The following OLFM3 variants were observed in gnomAD, a reference collection of about 807,000 sequenced individuals.
OLFM3 encodes noelin-3.
OLFM3 carries 20 observed loss-of-function variants against 48.6 expected under a neutral mutation model. That is an observed-to-expected ratio of 0.41 (90% CI 0.29 to 0.60). The LOEUF is 0.60. OLFM3 is among the 20% of genes least tolerant of loss of function. OLFM3 has a pLI of 0.28. For missense variants in OLFM3, 437 were observed against 544.3 expected (o/e 0.80, Z 1.96); for synonymous variants, 222 against 198.1 (o/e 1.12, Z -1.01).
chr1:101,979,906 G>A (rs1661059650), intron 1 of OLFM3, among the ~76,000 whole-genome samples: 1 of 152,230 alleles, frequency 6.6e-6, no homozygotes, highest in Non-Finnish European at 1.5e-5. Flanking sequence ...AAGCCACAGG[G>A]GTGGAGCTTC....
chr1:101,876,426 G>C (rs1312958061), intron 1 of OLFM3, among the ~76,000 whole-genome samples: 2 of 151,976 alleles, frequency 1.3e-5, no homozygotes, highest in Non-Finnish European at 2.9e-5. Context: ...ACTCTGTAAA[G>C]TGCTTTTACA....
rs763405464 is a variant in OLFM3, at chr1:101,935,257, C to G, written c.69+61491G>C. On this transcript the variant is annotated intron_variant, in intron 1 of 5. Coordinates refer to ENST00000370103, the MANE Select transcript of OLFM3 (RefSeq NM_058170.4). ...ACTAATGAAGAAAAAAAAAGAAGAT[C>G]GAAATAAATGCAAGGAGAAATTACA... 2.7e-5 allele frequency among the ~76,000 whole-genome samples: 4 copies of G among 149,522 alleles called. No individual in the cohort carries two copies. The South Asian group carries it at 8.4e-4, about 31-fold the overall frequency.
intron 1 of OLFM3, among the ~76,000 whole-genome samples, chr1:101,870,904 A>G (rs537067109): frequency 1.3e-5 from 2 of 152,200 alleles, no homozygotes; most frequent in Admixed American, 6.5e-5. Context: ...TTTTCCTATG[A>G]CACTACACAG....
chr1:101,862,122 C>A (rs1656684161), intron 1 of OLFM3, among the ~76,000 whole-genome samples: 1 of 151,978 alleles, frequency 6.6e-6, no homozygotes, highest in African/African-American at 2.4e-5. Flanking sequence ...CTTGGAAACT[C>A]CAAAGTTAAG....
At chr1:101,896,820 G>C (rs547775662) in intron 1 of OLFM3, among the ~76,000 whole-genome samples, 4 of 151,790 alleles carry the variant, frequency 2.6e-5, no homozygotes, top group African/African-American at 9.7e-5. Context: ...TATCTGAACT[G>C]ATGCATAACT....
chr1:101,867,255 T>C (rs1656892690), intron 1 of OLFM3, among the ~76,000 whole-genome samples: 1 of 152,222 alleles, frequency 6.6e-6, no homozygotes, highest in African/African-American at 2.4e-5. Flanking sequence ...CTGGAGATAA[T>C]CTTTACTAGT....
At chr1:101,989,702 C>CAAATATTACAACAGAAAT (rs898675350) in intron 1 of OLFM3, among the ~76,000 whole-genome samples, 7 of 152,048 alleles carry the variant, frequency 4.6e-5, no homozygotes, top group Admixed American at 4.6e-4. Flanking sequence ...AGAAATATTA[C>CAAATATTACAACAGAAAT]AATAGCTAAT....
chr1:101,885,027 T>C (rs1012775938), intron 1 of OLFM3, among the ~76,000 whole-genome samples: 21 of 151,970 alleles, frequency 1.4e-4, no homozygotes, highest in African/African-American at 5.1e-4. Flanking sequence ...GAAAGTCCAT[T>C]GAAGATGTCA....
At chr1:101,875,063 A>C (rs1161155918) in intron 1 of OLFM3, among the ~76,000 whole-genome samples, 1 of 152,010 alleles carries the variant, frequency 6.6e-6, no homozygotes, top group African/African-American at 2.4e-5. Flanking sequence ...GCTAAAATCC[A>C]TTGAAAGATA....
intron 4 of OLFM3, among the ~76,000 whole-genome samples, chr1:101,817,345 G>A (rs1013919068): frequency 6.6e-6 from 1 of 152,066 alleles, no homozygotes; most frequent in Non-Finnish European, 1.5e-5. Flanking sequence ...GAAAACATTA[G>A]CATTTATAAA....
At chr1:101,989,216 C>T (rs534695744) in intron 1 of OLFM3, among the ~76,000 whole-genome samples, 1 of 152,198 alleles carries the variant, frequency 6.6e-6, no homozygotes, top group East Asian at 1.9e-4. Context: ...GCAATCTTCT[C>T]TCTAAACTTA....
intron 4 of OLFM3, among the ~76,000 whole-genome samples, chr1:101,811,451 C>T (rs1027284548): frequency 6.6e-6 from 1 of 151,984 alleles, no homozygotes; most frequent in Non-Finnish European, 1.5e-5. Context: ...CTGAAAAAAG[C>T]TAATATCCAG....
intron 1 of OLFM3, among the ~76,000 whole-genome samples, chr1:101,883,079 G>A (rs1657600003): frequency 6.6e-6 from 1 of 151,828 alleles, no homozygotes; most frequent in South Asian, 2.1e-4. Flanking sequence ...GACGTGACCA[G>A]TGAAGATCAA....
chr1:101,963,677 T>A (rs1660528999), intron 1 of OLFM3, among the ~76,000 whole-genome samples: 1 of 152,198 alleles, frequency 6.6e-6, no homozygotes, highest in South Asian at 2.1e-4. Context: ...TCTTTGTGAA[T>A]TCCTTTCTAT....
At chr1:101,876,618 A>G (rs973928176) in intron 1 of OLFM3, among the ~76,000 whole-genome samples, 1 of 152,054 alleles carries the variant, frequency 6.6e-6, no homozygotes, top group Non-Finnish European at 1.5e-5. Flanking sequence ...AGATTTGTAA[A>G]CAATAAAGTA....
chr1:101,896,001 T>TAAA (rs996183085), intron 1 of OLFM3, among the ~76,000 whole-genome samples: 1 of 133,788 alleles, frequency 7.5e-6, no homozygotes, highest in African/African-American at 2.6e-5. Context: ...ATAATAATAA[T>TAAA]AATAAAAGTA....
At chr1:101,827,193 A>G (rs956449394) in intron 3 of OLFM3, among the ~76,000 whole-genome samples, 1 of 152,240 alleles carries the variant, frequency 6.6e-6, no homozygotes, top group East Asian at 1.9e-4. Flanking sequence ...GCCAACATCA[A>G]TCTCTTCATA....
At chr1:101,981,823 T>C (rs1383516441) in intron 1 of OLFM3, among the ~76,000 whole-genome samples, 1 of 152,142 alleles carries the variant, frequency 6.6e-6, no homozygotes, top group Non-Finnish European at 1.5e-5. Flanking sequence ...TTTGCCTCAA[T>C]TTTAGCATTA....
chr1:101,816,018 G>A (rs938100291), intron 4 of OLFM3, among the ~76,000 whole-genome samples: 1 of 152,064 alleles, frequency 6.6e-6, no homozygotes, highest in African/African-American at 2.4e-5. Context: ...AAATAACGTG[G>A]TATTAAGAAA....
Sources: gnomAD v4.1 joint callset for allele counts (sites outside exome capture counted in the v4.1 genomes callset) on GRCh38, gnomAD v4.1.1 for gene constraint, MANE v1.5 for transcripts, NCBI Gene and HGNC (gene_info 2026-07-23, HGNC 2026-07-21) for gene names.